Variants in SNRK observed in about 807,000 individuals in gnomAD.
SNRK encodes SNF related kinase.
A neutral mutation model predicts 48.2 loss-of-function variants in SNRK; 3 were observed. The observed-to-expected ratio is 0.06, with a 90% CI of 0.03 to 0.16. SNRK has a LOEUF of 0.16. SNRK is among the 10% of genes least tolerant of loss of function. SNRK has a pLI of 1.00. For synonymous variants in SNRK, 376 were observed against 366.1 expected (o/e 1.03, Z -0.31); for missense variants, 627 against 976.0 (o/e 0.64, Z 4.76).
intron 3 of SNRK, among the ~76,000 whole-genome samples, chr3:43,314,035 C>T (rs2090997531): frequency 6.6e-6 from 1 of 152,178 alleles, no homozygotes; most frequent in South Asian, 2.1e-4. Context: ...TGTTCAAATG[C>T]ATTCTAACAA....
intron 3 of SNRK, among the ~76,000 whole-genome samples, chr3:43,321,298 C>T (rs2091051686): frequency 6.6e-6 from 1 of 152,026 alleles, no homozygotes; most frequent in South Asian, 2.1e-4. Context: ...AGGAGTCTTT[C>T]CAAAATTGTT....
intron 3 of SNRK, among the ~76,000 whole-genome samples, chr3:43,307,033 A>G (rs1396349018): frequency 6.6e-6 from 1 of 152,158 alleles, no homozygotes; most frequent in Non-Finnish European, 1.5e-5. Context: ...GTTTTTATAC[A>G]TACTTAAGAT....
chr3:43,317,733 T>C (rs763987913), intron 3 of SNRK, among the ~76,000 whole-genome samples: 2 of 152,172 alleles, frequency 1.3e-5, no homozygotes, highest in Non-Finnish European at 2.9e-5. Context: ...CTAGCCACTC[T>C]TGCCCCTGAT....
chr3:43,307,689 CTCTCTCTCTCTG>C (rs1222681303), intron 3 of SNRK, among the ~76,000 whole-genome samples: 1 of 152,142 alleles, frequency 6.6e-6, no homozygotes, highest in African/African-American at 2.4e-5. Flanking sequence ...TCCCCCATCT[CTCTCTCTCTCTG>C]TCTCTCTCTC....
chr3:43,289,090 G>C (rs2090789104), intron 1 of SNRK, among the ~76,000 whole-genome samples: 1 of 152,134 alleles, frequency 6.6e-6, no homozygotes, highest in Non-Finnish European at 1.5e-5. Context: ...AAGCTACTGG[G>C]GAACACCAAG....
In SNRK at chr3:43,291,231, T is replaced by C. The variant is rs190817913; in HGVS notation, c.-169+4556T>C. Among the ~76,000 whole-genome samples the C allele has an allele frequency of 2.3e-3, 357 of 152,326 alleles. 1 individual carries two copies. The highest frequency in any genetic ancestry group is 8.3e-3 in the African/African-American group (343 of 41,562). On this transcript the variant is annotated intron_variant, in intron 1 of 6. Transcript: ENST00000296088. ...TGGGCCTCTTTCCTGAAAAGCCTCT[T>C]CCTTACCGTTGCCAGTTTCAGTTCT...
At chr3:43,301,350 G>A (rs1275505292) in intron 2 of SNRK, among the ~76,000 whole-genome samples, 2 of 152,156 alleles carry the variant, frequency 1.3e-5, no homozygotes, top group African/African-American at 4.8e-5. Flanking sequence ...ATTGATTAGA[G>A]TGGCCAAATG....
intron 3 of SNRK, among the ~76,000 whole-genome samples, chr3:43,323,768 T>C (rs2091073164): frequency 6.6e-6 from 1 of 152,118 alleles, no homozygotes; most frequent in South Asian, 2.1e-4. Flanking sequence ...TATTGATGTG[T>C]ACAACAACAT....
At chr3:43,331,984 T>C (rs1248759588) in intron 3 of SNRK, among the ~76,000 whole-genome samples, 185 bp from the exon 4 acceptor site, 3 of 152,234 alleles carry the variant, frequency 2.0e-5, no homozygotes, top group Non-Finnish European at 4.4e-5. Context: ...GCAATTACTG[T>C]AAAAACATTG....
chr3:43,316,309 C>G (rs550559987), intron 3 of SNRK, among the ~76,000 whole-genome samples: 1 of 151,994 alleles, frequency 6.6e-6, no homozygotes, highest in South Asian at 2.1e-4. Context: ...ACTGGTGGCT[C>G]TCAGTGGTCA....
intron 3 of SNRK, among the ~76,000 whole-genome samples, chr3:43,329,303 T>C (rs1472698501): frequency 1.3e-5 from 2 of 152,066 alleles, no homozygotes; most frequent in African/African-American, 2.4e-5. Context: ...CCGGGTGTGG[T>C]GGCGGGTGCC....
In SNRK at chr3:43,289,275, G is replaced by A. The variant is rs187474465; in HGVS notation, c.-169+2600G>A. 2.0e-5 allele frequency among the ~76,000 whole-genome samples: 3 copies of A among 152,252 alleles called. No homozygotes were observed. The East Asian group carries it at 5.8e-4, about 29-fold the overall frequency. On this transcript the variant is annotated intron_variant, in intron 1 of 6. Coordinates refer to ENST00000296088, the MANE Select transcript of SNRK (RefSeq NM_017719.5). ...TCCCAGGCAGAGAAAAAGGGAAAAG[G>A]CTCAGGGGGTTCAGGGAGGGTGAGA...
chr3:43,341,281 G>T (rs1030907678), intron 5 of SNRK, among the ~76,000 whole-genome samples: 3 of 152,010 alleles, frequency 2.0e-5, no homozygotes, highest in African/African-American at 4.8e-5. Context: ...CTCCCAAGTA[G>T]CTGGGACTAC....
At chr3:43,332,412 C>T in intron 4 of SNRK, 102 bp downstream of exon 4, 1 of 795,610 alleles carries the variant, frequency 1.3e-6, no homozygotes, top group Admixed American at 3.5e-5. Context: ...CTTCAAACAT[C>T]CAAGCATCTG....
intron 1 of SNRK, among the ~76,000 whole-genome samples, chr3:43,293,160 A>G (rs1392432876): frequency 1.3e-5 from 2 of 151,962 alleles, no homozygotes; most frequent in Non-Finnish European, 1.5e-5. Flanking sequence ...GATGGAGTGC[A>G]GTGGCTGATC....
At chr3:43,343,619 C>T (rs1026052596) in intron 6 of SNRK, 141 bp downstream of exon 6, 25 of 910,016 alleles carry the variant, frequency 2.7e-5, no homozygotes, top group African/African-American at 8.5e-5. Flanking sequence ...AGGCCACACA[C>T]GGGCTCTTCA....
At chr3:43,336,740 T>TGTTC (rs2091192042) in intron 4 of SNRK, among the ~76,000 whole-genome samples, 1 of 35,086 alleles carries the variant, frequency 2.9e-5, no homozygotes, top group Non-Finnish European at 6.0e-5. Flanking sequence ...TACACATTTT[T>TGTTC]GTTTGTTTGT....
At position 43,291,848 on chromosome 3, in the gene SNRK, A is replaced by T. The variant is rs1418308021; in HGVS notation, c.-169+5173A>T. Among the ~76,000 whole-genome samples the T allele has an allele frequency of 2.6e-5, 4 of 152,350 alleles. No individual in the cohort carries two copies. The South Asian group carries it at 8.3e-4, about 32-fold the overall frequency. On this transcript the variant is annotated intron_variant, in intron 1 of 6. Coordinates refer to ENST00000296088, the MANE Select transcript of SNRK (RefSeq NM_017719.5). ...TGAAATGTGGAATCTTAGGACTGTTATCCTAGCTCCTCCTCTGATGTTCCC... is the reference window on the plus strand; with the variant it reads ...TGAAATGTGGAATCTTAGGACTGTTTTCCTAGCTCCTCCTCTGATGTTCCC...
chr3:43,335,849 T>G (rs1559469135), intron 4 of SNRK, among the ~76,000 whole-genome samples: 1 of 152,254 alleles, frequency 6.6e-6, no homozygotes, highest in Admixed American at 6.5e-5. Flanking sequence ...AAAGTCAGTC[T>G]GTGTTGTCTA....
Sources: gnomAD v4.1 joint callset for allele counts (sites outside exome capture counted in the v4.1 genomes callset) on GRCh38, gnomAD v4.1.1 for gene constraint, MANE v1.5 for transcripts, NCBI Gene and HGNC (gene_info 2026-07-23, HGNC 2026-07-21) for gene names.